NRXN3: variants seen among roughly 807,000 people sequenced by gnomAD.
NRXN3 encodes the protein neurexin III.
A neutral mutation model predicts 137.6 loss-of-function variants in NRXN3; 32 were observed. That is an observed-to-expected ratio of 0.23 (90% CI 0.18 to 0.31). NRXN3 has a LOEUF of 0.31. Ranked by LOEUF, NRXN3 falls within the 10% of genes least tolerant of loss-of-function variation. NRXN3 has a pLI of 1.00. For synonymous variants in NRXN3, 798 were observed against 784.5 expected (o/e 1.02, Z -0.29); for missense variants, 1,574 against 2,062.5 (o/e 0.76, Z 4.59).
chr14:79,461,996 A>G (rs1567190258), intron 15 of NRXN3, among the ~76,000 whole-genome samples: 1 of 152,176 alleles, frequency 6.6e-6, no homozygotes, highest in Non-Finnish European at 1.5e-5. Flanking sequence ...CTTTGCACAT[A>G]ATTGTTATAC....
intron 10 of NRXN3, among the ~76,000 whole-genome samples, chr14:78,875,845 A>G (rs751863574): frequency 2.0e-5 from 3 of 152,208 alleles, no homozygotes; most frequent in Non-Finnish European, 4.4e-5. Flanking sequence ...CAAAGGAATA[A>G]ATACACAAAA....
chr14:79,572,874 A>T (rs965685982), intron 16 of NRXN3: 3 of 152,190 alleles, frequency 2.0e-5, no homozygotes, highest in African/African-American at 7.2e-5. Context: ...CGCCTTTGCA[A>T]CTTCAAGAAT....
intron 8 of NRXN3, among the ~76,000 whole-genome samples, chr14:78,795,825 A>C (rs930950682): frequency 3.9e-5 from 6 of 152,230 alleles, no homozygotes; most frequent in Admixed American, 3.9e-4. Flanking sequence ...CACACATTTA[A>C]AAAATTGTCA....
At chr14:78,523,643 CAAAAAAAAA>C (rs3036598) in intron 4 of NRXN3, among the ~76,000 whole-genome samples, 60 of 77,714 alleles carry the variant, frequency 7.7e-4, no homozygotes, top group South Asian at 4.4e-3. Context: ...ACTACAAATA[CAAAAAAAAA>C]AAAAAAAAAA....
chr14:79,378,981 G>A (rs1251483862), intron 15 of NRXN3, among the ~76,000 whole-genome samples: 1 of 152,020 alleles, frequency 6.6e-6, no homozygotes, highest in Non-Finnish European at 1.5e-5. Context: ...GACTAAAGAA[G>A]TACTTCATAC....
chr14:78,775,684 A>G (rs2098742719), intron 8 of NRXN3, among the ~76,000 whole-genome samples: 1 of 152,214 alleles, frequency 6.6e-6, no homozygotes, highest in Non-Finnish European at 1.5e-5. Context: ...TGTGGGTTAT[A>G]TCATAAACTA....
chr14:79,602,671 A>G (rs1019696226), intron 16 of NRXN3, among the ~76,000 whole-genome samples: 98 of 152,308 alleles, frequency 6.4e-4, no homozygotes, highest in African/African-American at 2.2e-3. Flanking sequence ...GTTTAAACAC[A>G]TACTTAACAA....
At chr14:79,351,622 A>G (rs954120724) in intron 15 of NRXN3, among the ~76,000 whole-genome samples, 7 of 152,218 alleles carry the variant, frequency 4.6e-5, no homozygotes, top group South Asian at 2.1e-4. Flanking sequence ...TGTTAATATT[A>G]TATACACAAG....
intron 1 of NRXN3, among the ~76,000 whole-genome samples, chr14:78,172,655 G>C (rs867445272): frequency 7.2e-5 from 11 of 152,146 alleles, no homozygotes; most frequent in Non-Finnish European, 1.2e-4. Context: ...TTCTGGAAGG[G>C]GGGGAAAAGG....
intron 1 of NRXN3, among the ~76,000 whole-genome samples, chr14:78,207,619 C>T (rs1379161790): frequency 2.0e-5 from 3 of 152,160 alleles, no homozygotes; most frequent in Non-Finnish European, 4.4e-5. Context: ...TCATTTCCTG[C>T]GTATCTGAGT....
At chr14:79,796,001 A>T (rs991234287) in intron 19 of NRXN3, among the ~76,000 whole-genome samples, 2 of 152,196 alleles carry the variant, frequency 1.3e-5, no homozygotes, top group African/African-American at 4.8e-5. Flanking sequence ...AATTTCCCTT[A>T]TAATGGTTAG....
intron 8 of NRXN3, among the ~76,000 whole-genome samples, chr14:78,728,618 AG>A (rs1263187259): frequency 2.0e-5 from 3 of 152,102 alleles, no homozygotes; most frequent in Non-Finnish European, 2.9e-5. Context: ...GGCGGTGGGG[AG>A]GTGCACAGTG....
intron 10 of NRXN3, among the ~76,000 whole-genome samples, chr14:78,812,224 T>C (rs2153101462): frequency 6.6e-6 from 1 of 152,356 alleles, no homozygotes; most frequent in Non-Finnish European, 1.5e-5. Context: ...ATTGGTGTGC[T>C]TTGTTCCAAT....
At chr14:78,434,336 T>C (rs1287488312) in intron 4 of NRXN3, among the ~76,000 whole-genome samples, 1 of 152,148 alleles carries the variant, frequency 6.6e-6, no homozygotes, top group Non-Finnish European at 1.5e-5. Flanking sequence ...GGCTTGTAGA[T>C]AGATGACTGT....
chr14:79,729,764 T>C (rs917672887), intron 19 of NRXN3, among the ~76,000 whole-genome samples: 1 of 152,192 alleles, frequency 6.6e-6, no homozygotes, highest in African/African-American at 2.4e-5. Flanking sequence ...AATTTTGTTT[T>C]GAGCCTGTTT....
intron 15 of NRXN3, among the ~76,000 whole-genome samples, chr14:79,069,397 C>G (rs2099684701): frequency 6.6e-6 from 1 of 151,874 alleles, no homozygotes; most frequent in African/African-American, 2.4e-5. Flanking sequence ...CTGATCTGAA[C>G]AAAGTGGACA....
intron 1 of NRXN3, among the ~76,000 whole-genome samples, chr14:78,173,433 G>C (rs1277295821): frequency 6.6e-6 from 1 of 151,242 alleles, no homozygotes; most frequent in East Asian, 1.9e-4. Context: ...GCGGAGAGAT[G>C]GGGGACGGGT....
At chr14:78,593,571 T>C (rs2097134962) in intron 4 of NRXN3, among the ~76,000 whole-genome samples, 1 of 152,208 alleles carries the variant, frequency 6.6e-6, no homozygotes, top group South Asian at 2.1e-4. Context: ...CTTTTAACAA[T>C]GTGGATGTGC....
chr14:79,265,205 T>G (rs2078262880), intron 15 of NRXN3, among the ~76,000 whole-genome samples: 1 of 150,172 alleles, frequency 6.7e-6, no homozygotes, highest in Admixed American at 6.7e-5. Context: ...ATCTGGTAAG[T>G]GAGGGTAGGA....
Sources: allele counts gnomAD v4.1 joint callset (sites outside exome capture counted in the v4.1 genomes callset), GRCh38; gene constraint gnomAD v4.1.1; transcripts MANE v1.5; gene names NCBI Gene and HGNC (gene_info 2026-07-23, HGNC 2026-07-21).